GPHN: variants seen among roughly 807,000 people sequenced by gnomAD.
The protein encoded by GPHN is gephyrin.
In GPHN, 17 loss-of-function variants were observed where a neutral mutation model predicts 95.5. That is an observed-to-expected ratio of 0.18 (90% CI 0.12 to 0.27). GPHN has a LOEUF of 0.27. Ranked by LOEUF, GPHN falls within the 10% of genes least tolerant of loss-of-function variation. GPHN has a pLI of 1.00. For missense variants in GPHN, 660 were observed against 978.1 expected (o/e 0.67, Z 4.34); for synonymous variants, 320 against 322.5 (o/e 0.99, Z 0.08).
the GPHN span, among the ~76,000 whole-genome samples, chr14:67,446,262 T>C: frequency 6.6e-6 from 1 of 152,238 alleles, no homozygotes; most frequent in African/African-American, 2.4e-5. Flanking sequence ...TAGGTCCACC[T>C]GCCCCAAGAG....
At chr14:67,317,924 T>C in the GPHN span, among the ~76,000 whole-genome samples, 1 of 152,214 alleles carries the variant, frequency 6.6e-6, no homozygotes, top group African/African-American at 2.4e-5. Context: ...GTAGCTTCTC[T>C]TAAAATCAAA....
the GPHN span, chr14:67,561,995 C>G: frequency 6.2e-7 from 1 of 1,613,894 alleles, no homozygotes; most frequent in Non-Finnish European, 8.5e-7. Flanking sequence ...ATAATCAGCG[C>G]CTGGTGGAGC....
At chr14:66,961,947 T>TACAC (rs1159946347) in intron 8 of GPHN, among the ~76,000 whole-genome samples, 11 of 75,118 alleles carry the variant, frequency 1.5e-4, no homozygotes, top group African/African-American at 2.4e-4. Context: ...TATATATATA[T>TACAC]ACACATATCT....
the GPHN span, among the ~76,000 whole-genome samples, chr14:67,434,968 C>CTT: frequency 0.013 from 1,891 of 147,382 alleles, 65 homozygotes; most frequent in African/African-American, 0.047. Context: ...TCTTCTCTCT[C>CTT]TCTTTTTTTT....
At chr14:67,159,312 G>A in intron 18 of GPHN, 103 bp from the exon 19 acceptor site, 1 of 793,040 alleles carries the variant, frequency 1.3e-6, no homozygotes, top group Non-Finnish European at 2.2e-6. Flanking sequence ...TAAGAAAGAT[G>A]TTTCTTTTCA....
the GPHN span, among the ~76,000 whole-genome samples, chr14:67,700,282 T>A: frequency 6.6e-6 from 1 of 152,310 alleles, no homozygotes; most frequent in South Asian, 2.1e-4. Flanking sequence ...AAAAGTGCCC[T>A]GGTTATAGGA....
At chr14:67,487,642 TAAA>T in the GPHN span, among the ~76,000 whole-genome samples, 2 of 152,234 alleles carry the variant, frequency 1.3e-5, no homozygotes, top group Admixed American at 1.3e-4. Context: ...AAATGTGTGC[TAAA>T]CCTTTCTACG....
intron 1 of GPHN, among the ~76,000 whole-genome samples, chr14:66,671,051 T>C (rs2153384353): frequency 6.6e-6 from 1 of 152,324 alleles, no homozygotes; most frequent in South Asian, 2.1e-4. Flanking sequence ...ATAGTTTGTG[T>C]TCCCTGTCAT....
chr14:67,588,732 A>G, the GPHN span: 1 of 152,550 alleles, frequency 6.6e-6, no homozygotes, highest in African/African-American at 2.4e-5. Flanking sequence ...AAAACTGTAT[A>G]TTTAGCAGTA....
the GPHN span, among the ~76,000 whole-genome samples, chr14:67,706,604 C>T: frequency 6.6e-6 from 1 of 152,146 alleles, no homozygotes; most frequent in African/African-American, 2.4e-5. Flanking sequence ...TTCTGTTTAG[C>T]CTTTTCAAAG....
the GPHN span, among the ~76,000 whole-genome samples, chr14:67,261,291 A>G: frequency 2.0e-5 from 3 of 152,190 alleles, no homozygotes; most frequent in African/African-American, 7.2e-5. Flanking sequence ...AGAAACTCAT[A>G]GAAAAGTTAA....
chr14:67,243,792 A>G, the GPHN span, among the ~76,000 whole-genome samples: 14 of 152,114 alleles, frequency 9.2e-5, no homozygotes, highest in Non-Finnish European at 2.9e-5. Context: ...CACCGCGCCC[A>G]GCCCTTATGA....
the GPHN span, among the ~76,000 whole-genome samples, chr14:67,479,870 T>C: frequency 6.6e-6 from 1 of 152,268 alleles, no homozygotes; most frequent in African/African-American, 2.4e-5. Flanking sequence ...TCCTGTGTCA[T>C]CCAACAACAA....
intron 1 of GPHN, among the ~76,000 whole-genome samples, chr14:66,623,178 AAGAG>A (rs529100856): frequency 6.6e-6 from 1 of 152,172 alleles, no homozygotes; most frequent in East Asian, 1.9e-4. Flanking sequence ...GCAGTGGACA[AAGAG>A]AGAACTTGTG....
intron 4 of GPHN, among the ~76,000 whole-genome samples, chr14:66,826,578 TC>T (rs1012554691): frequency 7.9e-5 from 12 of 151,988 alleles, no homozygotes; most frequent in African/African-American, 2.7e-4. Context: ...CCAAACCGCG[TC>T]CCCCACCCCA....
At chr14:66,995,791 G>C (rs2071742732) in intron 9 of GPHN, among the ~76,000 whole-genome samples, 1 of 152,178 alleles carries the variant, frequency 6.6e-6, no homozygotes, top group Non-Finnish European at 1.5e-5. Context: ...CTGTGAACGT[G>C]TATGGTAGAG....
rs1397918593 is a variant in GPHN, at chr14:67,043,555, A to C, written c.1007-15094A>C. Among the ~76,000 whole-genome samples, 6 of 152,224 alleles carry C rather than the reference A, an allele frequency of 3.9e-5. 1 individual carries two copies. Among genetic ancestry groups the C allele is most frequent in the Non-Finnish European group, 8.8e-5 (6 of 68,046 alleles). On this transcript the variant is annotated intron_variant, in intron 10 of 22. Coordinates refer to ENST00000478722, the MANE Select transcript of GPHN (RefSeq NM_020806.5). ...TTTATTGATTTGCGTATGTTGAACC[A>C]GCCTTGCATCCAGGTATGAAGCCGA...
intron 10 of GPHN, among the ~76,000 whole-genome samples, chr14:67,052,731 A>G (rs1055501834): frequency 6.6e-6 from 1 of 152,224 alleles, no homozygotes; most frequent in Non-Finnish European, 1.5e-5. Flanking sequence ...AACAACTGAA[A>G]TCAGAAGAAA....
the GPHN span, chr14:67,724,656 T>C: frequency 8.5e-7 from 1 of 1,177,098 alleles, no homozygotes; most frequent in Non-Finnish European, 1.3e-6. Flanking sequence ...CTGGGGCCTC[T>C]GTCCATATTG....
Sources: allele counts gnomAD v4.1 joint callset (sites outside exome capture counted in the v4.1 genomes callset), GRCh38; gene constraint gnomAD v4.1.1; transcripts MANE v1.5; gene names NCBI Gene and HGNC (gene_info 2026-07-23, HGNC 2026-07-21).